IL12RB2: variants seen among roughly 807,000 people sequenced by gnomAD.
The protein encoded by IL12RB2 is interleukin 12 receptor subunit beta 2.
Under a neutral mutation model 89.4 loss-of-function variants are expected in IL12RB2, and 82 were observed. The ratio of observed to expected loss-of-function variants is 0.92; its 90% CI spans 0.77 to 1.10. The LOEUF (loss-of-function observed/expected upper bound fraction) is 1.10, where lower values mean the gene tolerates loss of function less well. IL12RB2 is among the 50% of genes least tolerant of loss of function. IL12RB2 has a pLI of 0.00. For synonymous variants in IL12RB2, 368 were observed against 370.1 expected, an observed-to-expected ratio of 0.99 and a Z score of 0.07; for missense variants, 963 against 1,031.9, an observed-to-expected ratio of 0.93 and a Z score of 0.92.
At chr1:67,379,696 TACC>T (rs1269435792) in intron 13 of IL12RB2, among the ~76,000 whole-genome samples, 1 of 151,866 alleles carries the variant, frequency 6.6e-6, no homozygotes, top group East Asian at 1.9e-4. Context: ...CAAAAGATTT[TACC>T]ACAAAACACA....
chr1:67,325,446 A>C (rs1657157287), intron 4 of IL12RB2, among the ~76,000 whole-genome samples: 1 of 152,118 alleles, frequency 6.6e-6, no homozygotes, highest in East Asian at 1.9e-4. Flanking sequence ...ATTTTAAGTA[A>C]AGAAGAGGTT....
intron 9 of IL12RB2, among the ~76,000 whole-genome samples, chr1:67,340,494 C>G (rs1347566901): frequency 3.9e-5 from 6 of 152,194 alleles, no homozygotes; most frequent in Non-Finnish European, 1.5e-5. Flanking sequence ...CCTCTCAACT[C>G]AAGGGTTTCT....
chr1:67,348,240 G>A (rs962281277), intron 9 of IL12RB2, among the ~76,000 whole-genome samples: 9 of 152,118 alleles, frequency 5.9e-5, no homozygotes, highest in Non-Finnish European at 1.3e-4. Flanking sequence ...CTGCCTGTTC[G>A]TGCTGCATGT....
intron 3 of IL12RB2, 105 bp from the exon 4 acceptor site, chr1:67,321,497 T>G: frequency 1.3e-6 from 1 of 778,604 alleles, no homozygotes. Context: ...ATTTGCATGA[T>G]CTGATGGAGT....
chr1:67,357,287 G>A (rs981570559), intron 10 of IL12RB2, among the ~76,000 whole-genome samples: 1 of 152,130 alleles, frequency 6.6e-6, no homozygotes, highest in African/African-American at 2.4e-5. Flanking sequence ...CTGAGGCACA[G>A]GAATTACTTG....
rs759979028 is a variant in IL12RB2, at chr1:67,329,608, A to T, written c.686A>T (p.Asp229Val). 6.3e-6 allele frequency: 10 copies of T among 1,587,718 alleles called. No homozygotes were observed. The South Asian group carries it at 9.9e-5, about 16-fold the overall frequency. Reference protein sequence around the residue: ...LDIVRPLPPWDIRIKFQKASV... With the variant: ...LDIVRPLPPWVIRIKFQKASV... ...CTAGTGAGGCCTCTTCCTCCGTGGGACATTAGAATCAAATTTCAAAAGGCT... is the reference window on the plus strand; with the variant it reads ...CTAGTGAGGCCTCTTCCTCCGTGGGTCATTAGAATCAAATTTCAAAAGGCT... The change falls in exon 7 of 17, where the codon GAC becomes GTC. Residue 229 changes from aspartate to valine, a missense_variant. Transcript: ENST00000674203.
intron 10 of IL12RB2, among the ~76,000 whole-genome samples, chr1:67,353,548 G>GA (rs1301150054): frequency 6.6e-6 from 1 of 152,046 alleles, no homozygotes; most frequent in Non-Finnish European, 1.5e-5. Context: ...CAGACTGGGT[G>GA]AAAAAGTGAG....
intron 13 of IL12RB2, among the ~76,000 whole-genome samples, chr1:67,377,110 A>G (rs963931544): frequency 6.6e-6 from 1 of 152,184 alleles, no homozygotes; most frequent in Non-Finnish European, 1.5e-5. Flanking sequence ...GAGTAGAGGT[A>G]ATATTATAGG....
chr1:67,323,889 G>A (rs1237855825), intron 4 of IL12RB2, among the ~76,000 whole-genome samples: 1 of 152,088 alleles, frequency 6.6e-6, no homozygotes, highest in Non-Finnish European at 1.5e-5. Flanking sequence ...GTCTTATATT[G>A]GAAAATTCAC....
At chr1:67,369,231 G>A (rs1378694058) in intron 11 of IL12RB2, among the ~76,000 whole-genome samples, 1 of 152,166 alleles carries the variant, frequency 6.6e-6, no homozygotes, top group East Asian at 1.9e-4. Flanking sequence ...AAGTTATTAG[G>A]AGCCTGGAAC....
chr1:67,386,774 T>C, intron 15 of IL12RB2, 105 bp downstream of exon 15: 1 of 814,834 alleles, frequency 1.2e-6, no homozygotes, highest in East Asian at 2.5e-5. Flanking sequence ...ACATTCCTGG[T>C]GAGAGACTAA....
chr1:67,334,641 G>A (rs1193332528), intron 8 of IL12RB2, among the ~76,000 whole-genome samples: 1 of 152,002 alleles, frequency 6.6e-6, no homozygotes. Context: ...CACCACGCCC[G>A]GCTAATTTTT....
intron 11 of IL12RB2, among the ~76,000 whole-genome samples, chr1:67,368,562 C>G (rs1170547038): frequency 6.6e-6 from 1 of 152,212 alleles, no homozygotes; most frequent in Non-Finnish European, 1.5e-5. Flanking sequence ...TTCTAATCCT[C>G]AGTTTCCTAA....
intron 14 of IL12RB2, among the ~76,000 whole-genome samples, chr1:67,384,229 T>C (rs1201160408): frequency 6.6e-6 from 1 of 152,224 alleles, no homozygotes; most frequent in Non-Finnish European, 1.5e-5. Flanking sequence ...TCCTGTGAAA[T>C]CTAGGCAAAG....
chr1:67,343,230 G>A (rs1178245476), intron 9 of IL12RB2, among the ~76,000 whole-genome samples: 2 of 151,446 alleles, frequency 1.3e-5, no homozygotes, highest in Non-Finnish European at 2.9e-5. Context: ...TGAGACTACA[G>A]GCATCCATCA....
chr1:67,319,850 C>T (rs760570870), intron 2 of IL12RB2, among the ~76,000 whole-genome samples: 4 of 152,052 alleles, frequency 2.6e-5, no homozygotes, highest in Non-Finnish European at 4.4e-5. Context: ...AGAATTTTTA[C>T]GAATGGAACT....
intron 9 of IL12RB2, among the ~76,000 whole-genome samples, chr1:67,349,542 G>A (rs747649727): frequency 1.1e-4 from 17 of 152,126 alleles, no homozygotes; most frequent in Non-Finnish European, 2.1e-4. Flanking sequence ...GATCGGCTGC[G>A]ACAGACATTT....
intron 14 of IL12RB2, among the ~76,000 whole-genome samples, chr1:67,386,208 CAA>C (rs755471388): frequency 1.8e-5 from 1 of 54,550 alleles, no homozygotes; most frequent in African/African-American, 7.8e-5. Flanking sequence ...GACTCCATCT[CAA>C]AAAAAAAAAA....
chr1:67,330,815 AT>A lies in IL12RB2; in HGVS notation c.958+6del. 3.4e-6 allele frequency: 5 copies of A among 1,488,398 alleles called. No individual in the cohort carries two copies. The highest frequency in any genetic ancestry group is 4.7e-6 in the Non-Finnish European group (5 of 1,065,496). The allele number at this position is 1,488,398 out of a possible 1,614,324, so 92.2% of individuals were successfully genotyped here. The stretch of plus-strand genomic sequence containing the variant: ...GAGCACAAACACCAGAAGAAGGTAT[AT>A]GTCCAAAATATACATACCTATCGGG... On this transcript the variant is annotated splice_donor_region_variant and intron_variant, in intron 8 of 16. Transcript: ENST00000674203.
Sources: allele counts gnomAD v4.1 joint callset (sites outside exome capture counted in the v4.1 genomes callset), GRCh38; gene constraint gnomAD v4.1.1; transcripts MANE v1.5; gene names NCBI Gene and HGNC (gene_info 2026-07-23, HGNC 2026-07-21).